FAM13C: variants seen among roughly 807,000 people sequenced by gnomAD.
FAM13C encodes family with sequence similarity 13 member C, also known as protein FAM13C.
FAM13C carries 37 observed loss-of-function variants against 73.2 expected under a neutral mutation model. The observed-to-expected ratio is 0.51, with a 90% confidence interval of 0.39 to 0.67. The LOEUF is 0.67. Ranked by LOEUF, FAM13C falls within the 30% of genes least tolerant of loss-of-function variation. The pLI is 0.00. For missense variants in FAM13C, 589 were observed against 715.6 expected (o/e 0.82, Z 2.02); for synonymous variants, 246 against 260.9 (o/e 0.94, Z 0.55).
chr10:59,359,120 G>A (rs1246277087), intron 1 of FAM13C, among the ~76,000 whole-genome samples: 1 of 152,226 alleles, frequency 6.6e-6, no homozygotes, highest in Non-Finnish European at 1.5e-5. Flanking sequence ...AGAAAAAGTT[G>A]TGTGGTACTT....
At chr10:59,268,503 C>T (rs1843333465) in intron 8 of FAM13C, 50 bp downstream of exon 8, 4 of 1,602,124 alleles carry the variant, frequency 2.5e-6, no homozygotes, top group Non-Finnish European at 3.4e-6. Flanking sequence ...TGAGGAGAAT[C>T]CAGACACCTC....
At chr10:59,322,029 G>C (rs1799620407) in intron 4 of FAM13C, among the ~76,000 whole-genome samples, 1 of 152,132 alleles carries the variant, frequency 6.6e-6, no homozygotes, top group Non-Finnish European at 1.5e-5. Flanking sequence ...ACAGTATCAT[G>C]TCTCTATCAA....
chr10:59,264,918 G>A (rs1293167356), intron 8 of FAM13C, among the ~76,000 whole-genome samples: 1 of 152,090 alleles, frequency 6.6e-6, no homozygotes, highest in Admixed American at 6.6e-5. Flanking sequence ...GTACAAGGAA[G>A]TATAAAATAT....
At chr10:59,339,062 T>G (rs1456631887) in intron 3 of FAM13C, among the ~76,000 whole-genome samples, 1 of 152,092 alleles carries the variant, frequency 6.6e-6, no homozygotes, top group Non-Finnish European at 1.5e-5. Context: ...TGGCACTCCT[T>G]GGCTTCTGGC....
chr10:59,352,468 T>C lies in FAM13C; in HGVS notation c.126A>G (p.Glu42=), dbSNP rs1165691449. 1 of 1,604,860 alleles carries C rather than the reference T, an allele frequency of 6.2e-7. No individual in the cohort carries two copies. The highest frequency in any genetic ancestry group is 1.7e-5 in the Admixed American group (1 of 58,374). Residue 42 remains glutamate (E), a synonymous_variant, in exon 3 of 14, where the codon GAA becomes GAG. Coordinates refer to ENST00000618804, the MANE Select transcript of FAM13C (RefSeq NM_198215.4). ...CGTCGGGGTAGTTCTCTTTATTGTT[T>C]TCATCTCTAAAACAGGAAAGACCCA... The part of the protein sequence containing the change: ...DQTDCSSLRD[E]NNKENYPDAG...
intron 13 of FAM13C, among the ~76,000 whole-genome samples, chr10:59,249,183 T>C (rs1307380662): frequency 2.6e-5 from 4 of 151,962 alleles, no homozygotes; most frequent in Non-Finnish European, 5.9e-5. Context: ...GGCGGGCGGA[T>C]CACAAGGTCA....
intron 4 of FAM13C, among the ~76,000 whole-genome samples, chr10:59,310,447 G>A (rs1006337972): frequency 6.6e-6 from 1 of 152,226 alleles, no homozygotes; most frequent in South Asian, 2.1e-4. Flanking sequence ...CTTAATACCA[G>A]TAAATAGAAA....
At chr10:59,344,352 C>T (rs1341603317) in intron 3 of FAM13C, among the ~76,000 whole-genome samples, 2 of 150,526 alleles carry the variant, frequency 1.3e-5, no homozygotes, top group African/African-American at 2.4e-5. Context: ...GATCTCGGCT[C>T]ACTGCAAGTT....
chr10:59,348,927 C>G (rs375084176), intron 3 of FAM13C, among the ~76,000 whole-genome samples: 1 of 152,180 alleles, frequency 6.6e-6, no homozygotes, highest in Non-Finnish European at 1.5e-5. Context: ...AGCCACAATG[C>G]CCAGCTGAAT....
At chr10:59,313,459 C>T (rs1589568726) in intron 4 of FAM13C, among the ~76,000 whole-genome samples, 1 of 152,230 alleles carries the variant, frequency 6.6e-6, no homozygotes, top group Middle Eastern at 3.4e-3. Flanking sequence ...TTTCTTGATC[C>T]CCACTTTTCC....
At chr10:59,307,535 T>A (rs1177124361) in intron 4 of FAM13C, among the ~76,000 whole-genome samples, 1 of 152,102 alleles carries the variant, frequency 6.6e-6, no homozygotes. Context: ...GGAGAAAGGG[T>A]AGTTAAATAC....
At chr10:59,327,827 A>G (rs1851385744) in intron 3 of FAM13C, 1 of 152,200 alleles carries the variant, frequency 6.6e-6, no homozygotes, top group South Asian at 2.1e-4. Flanking sequence ...CCCCCAAAGA[A>G]CTTTAAAATC....
At chr10:59,265,319 T>TAGGG (rs1842919559) in intron 8 of FAM13C, among the ~76,000 whole-genome samples, 1 of 2,292 alleles carries the variant, frequency 4.4e-4, no homozygotes, top group Non-Finnish European at 5.0e-3. Flanking sequence ...GAAGGGGTTT[T>TAGGG]GGCGGGGGGG....
At chr10:59,293,494 CA>C (rs1473741488) in intron 5 of FAM13C, among the ~76,000 whole-genome samples, 5 of 152,094 alleles carry the variant, frequency 3.3e-5, no homozygotes, top group Non-Finnish European at 7.4e-5. Flanking sequence ...CTGTAAATGA[CA>C]ATATTTCACT....
intron 5 of FAM13C, among the ~76,000 whole-genome samples, chr10:59,291,200 C>T (rs149700776): frequency 1.8e-4 from 27 of 152,270 alleles, no homozygotes; most frequent in Non-Finnish European, 3.2e-4. Context: ...GAAAGCTGCC[C>T]CCACCCCTAC....
chr10:59,265,335 G>GGGGGAAGCGGGGCGGA (rs78422182), intron 8 of FAM13C, among the ~76,000 whole-genome samples: 1 of 16,056 alleles, frequency 6.2e-5, no homozygotes. Flanking sequence ...GGGGGGGGGG[G>GGGGGAAGCGGGGCGGA]AATCCTGGTT....
At position 59,291,291 on chromosome 10, in the gene FAM13C, G is replaced by A. The variant is rs572813004; in HGVS notation, c.508-7844C>T. On this transcript the variant is annotated intron_variant, in intron 5 of 13. Coordinates refer to ENST00000618804, the MANE Select transcript of FAM13C (RefSeq NM_198215.4). ...TCTGGATGTTCTTGCCAACACAGTGGGACTTCTCCCAATGTCGACCATTAC... is the reference window on the plus strand; with the variant it reads ...TCTGGATGTTCTTGCCAACACAGTGAGACTTCTCCCAATGTCGACCATTAC... Among the ~76,000 whole-genome samples the A allele has an allele frequency of 1.6e-4, 24 of 152,258 alleles. No homozygotes were observed. In the East Asian group the frequency reaches 4.4e-3, roughly 28 times the overall value.
At chr10:59,318,880 G>A (rs1362167208) in intron 4 of FAM13C, among the ~76,000 whole-genome samples, 2 of 152,070 alleles carry the variant, frequency 1.3e-5, no homozygotes, top group East Asian at 1.9e-4. Flanking sequence ...CACTAATGAG[G>A]AAGGAGAAGA....
At chr10:59,329,037 G>A (rs113878515) in intron 3 of FAM13C, among the ~76,000 whole-genome samples, 55 of 152,176 alleles carry the variant, frequency 3.6e-4, no homozygotes, top group African/African-American at 1.3e-3. Flanking sequence ...GATAAAAGAA[G>A]CTATTGGACT....
Sources: allele counts gnomAD v4.1 joint callset (sites outside exome capture counted in the v4.1 genomes callset), GRCh38; gene constraint gnomAD v4.1.1; transcripts MANE v1.5; gene names NCBI Gene and HGNC (gene_info 2026-07-23, HGNC 2026-07-21).